The following RIMS1 variants were observed in gnomAD, a reference collection of about 807,000 sequenced individuals.
RIMS1 encodes regulating synaptic membrane exocytosis protein 1.
In RIMS1, 83 loss-of-function variants were observed where a neutral mutation model predicts 214.1. The ratio of observed to expected loss-of-function variants is 0.39; its 90% CI spans 0.32 to 0.47. The LOEUF is 0.47. Ranked by LOEUF, RIMS1 falls within the 20% of genes least tolerant of loss-of-function variation. RIMS1 has a pLI of 0.99. For synonymous variants in RIMS1, 793 were observed against 786.8 expected, an observed-to-expected ratio of 1.01 and a Z score of -0.13; for missense variants, 2,050 against 2,161.8, an observed-to-expected ratio of 0.95 and a Z score of 1.03.
intron 2 of RIMS1, among the ~76,000 whole-genome samples, chr6:71,971,138 A>T (rs1024205908): frequency 6.6e-5 from 10 of 152,206 alleles, no homozygotes; most frequent in African/African-American, 2.4e-4. Flanking sequence ...TTTAATAAAC[A>T]TTGCAGTTAT....
chr6:72,226,328 C>T (rs117224498), intron 6 of RIMS1, among the ~76,000 whole-genome samples: 1 of 152,108 alleles, frequency 6.6e-6, no homozygotes, highest in East Asian at 1.9e-4. Flanking sequence ...TATAAATGTA[C>T]ATAACTTTTA....
chr6:71,972,910 G>A (rs879602562), intron 2 of RIMS1, among the ~76,000 whole-genome samples: 3 of 152,110 alleles, frequency 2.0e-5, no homozygotes, highest in Middle Eastern at 6.8e-3. Flanking sequence ...ACAGTAATAC[G>A]GATTTTTTGT....
Position 72,393,446 on chromosome 6 carries a change from C to T in RIMS1, c.4618+636C>T, listed in dbSNP as rs112805355. ...AAACTATCAAAAATCAGATTCTTGC[C>T]GGGCGCTGTGGCTCACGCCTGTAAT... On this transcript the variant is annotated intron_variant, in intron 31 of 33. Coordinates refer to ENST00000521978, the MANE Select transcript of RIMS1 (RefSeq NM_014989.7). Among the ~76,000 whole-genome samples, 1,061 of 152,216 alleles carry T rather than the reference C, an allele frequency of 7.0e-3. 8 individuals carry two copies. Among genetic ancestry groups the T allele is most frequent in the African/African-American group, 0.024 (996 of 41,530 alleles).
At chr6:71,912,747 G>A (rs1777296562) in intron 1 of RIMS1, among the ~76,000 whole-genome samples, 1 of 152,112 alleles carries the variant, frequency 6.6e-6, no homozygotes, top group Non-Finnish European at 1.5e-5. Context: ...AGTATTATGT[G>A]TCAGGTACTG....
chr6:71,962,216 G>A (rs2151265763), intron 1 of RIMS1, among the ~76,000 whole-genome samples: 1 of 152,114 alleles, frequency 6.6e-6, no homozygotes, highest in East Asian at 1.9e-4. Context: ...ATCAGTCTTT[G>A]AAAAAATGGA....
intron 8 of RIMS1, 81 bp from the exon 9 acceptor site, chr6:72,237,742 G>C: frequency 1.0e-6 from 1 of 983,490 alleles, no homozygotes; most frequent in Non-Finnish European, 1.6e-6. Flanking sequence ...TATCATAAAA[G>C]AATGTAGGAT....
At chr6:72,072,474 T>A (rs1232274340) in intron 2 of RIMS1, among the ~76,000 whole-genome samples, 1 of 152,052 alleles carries the variant, frequency 6.6e-6, no homozygotes, top group Non-Finnish European at 1.5e-5. Flanking sequence ...TGAAGATTGG[T>A]TTGAATTTGG....
chr6:72,217,859 A>G (rs1190677320), intron 6 of RIMS1, among the ~76,000 whole-genome samples: 1 of 152,214 alleles, frequency 6.6e-6, no homozygotes, highest in Admixed American at 6.5e-5. Context: ...AATCTTTTGC[A>G]TCAGAGATTT....
At chr6:72,389,479 T>G (rs139795551) in intron 29 of RIMS1, among the ~76,000 whole-genome samples, 70 of 152,276 alleles carry the variant, frequency 4.6e-4, no homozygotes, top group African/African-American at 1.6e-3. Context: ...GATTAGACAA[T>G]TTACAAAAGG....
intron 2 of RIMS1, among the ~76,000 whole-genome samples, chr6:72,036,868 A>G (rs972791007): frequency 3.9e-5 from 6 of 152,286 alleles, no homozygotes; most frequent in African/African-American, 1.4e-4. Context: ...CAACATGGGA[A>G]TTTTTAATGC....
At chr6:72,094,286 G>A (rs1011203000) in intron 2 of RIMS1, among the ~76,000 whole-genome samples, 1 of 151,970 alleles carries the variant, frequency 6.6e-6, no homozygotes, top group Admixed American at 6.6e-5. Context: ...GTTATGTACG[G>A]TAATAAAACA....
chr6:72,018,461 T>A (rs1813475404), intron 2 of RIMS1, among the ~76,000 whole-genome samples: 1 of 152,118 alleles, frequency 6.6e-6, no homozygotes, highest in South Asian at 2.1e-4. Flanking sequence ...ACGATAAATC[T>A]GAGGTGCCTA....
At chr6:72,317,014 A>G (rs1006826525) in intron 28 of RIMS1, 13 of 438,502 alleles carry the variant, frequency 3.0e-5, no homozygotes, top group South Asian at 2.0e-4. Context: ...CTCCCCCTCC[A>G]TTCTTATGGG....
intron 1 of RIMS1, among the ~76,000 whole-genome samples, chr6:71,950,502 C>T (rs1183290986): frequency 2.6e-5 from 4 of 152,126 alleles, no homozygotes; most frequent in Non-Finnish European, 5.9e-5. Context: ...AGTGTTTAGC[C>T]TCCCTGTTCA....
At chr6:71,890,570 TAA>T (rs3076604) in intron 1 of RIMS1, among the ~76,000 whole-genome samples, 48,661 of 81,600 alleles carry the variant, frequency 0.6, 10,566 homozygotes, top group Middle Eastern at 0.7. Context: ...CTCCTTTTTG[TAA>T]AAAAAAAAAA....
Position 72,163,154 on chromosome 6 carries a change from C to A in RIMS1, c.472-16421C>A, listed in dbSNP as rs181468886. ...TTCATTTCATCTTCCATCACTGATA[C>A]CCTTTCTTCCAGTTGATCGAATCGG... On this transcript the variant is annotated intron_variant, in intron 4 of 33. Transcript: ENST00000521978. 4.4e-4 allele frequency among the ~76,000 whole-genome samples: 61 copies of A among 139,878 alleles called. 2 individuals carry two copies. Among genetic ancestry groups the A allele is most frequent in the Middle Eastern group, 3.5e-3 (1 of 282 alleles). The allele number at this position is 139,878 out of a possible 152,430, so 91.8% of individuals were successfully genotyped here.
chr6:72,289,872 C>CA (rs2093058021), intron 24 of RIMS1, among the ~76,000 whole-genome samples: 3 of 151,210 alleles, frequency 2.0e-5, no homozygotes, highest in Admixed American at 1.3e-4. Flanking sequence ...AAATAAATAC[C>CA]AAAATCAATG....
At chr6:72,085,472 A>G (rs1834430365) in intron 2 of RIMS1, among the ~76,000 whole-genome samples, 1 of 152,148 alleles carries the variant, frequency 6.6e-6, no homozygotes, top group African/African-American at 2.4e-5. Flanking sequence ...ATATAACATA[A>G]TATTAAATTA....
chr6:72,189,013 C>A (rs1008537923), intron 6 of RIMS1, among the ~76,000 whole-genome samples: 1 of 152,176 alleles, frequency 6.6e-6, no homozygotes, highest in Non-Finnish European at 1.5e-5. Context: ...AGGTTCCTTC[C>A]TCTGGAACTA....
Sources: gnomAD v4.1 joint callset for allele counts (sites outside exome capture counted in the v4.1 genomes callset) on GRCh38, gnomAD v4.1.1 for gene constraint, MANE v1.5 for transcripts, NCBI Gene and HGNC (gene_info 2026-07-23, HGNC 2026-07-21) for gene names.